Variants in PEAR1 observed in about 807,000 individuals in gnomAD.
PEAR1 encodes platelet endothelial aggregation receptor 1.
In PEAR1, 113 loss-of-function variants were observed where a neutral mutation model predicts 131.2. That is an observed-to-expected ratio of 0.86 (90% CI 0.74 to 1.01). PEAR1 has a LOEUF of 1.01. Ranked by LOEUF, PEAR1 falls within the 50% of genes least tolerant of loss-of-function variation. The pLI is 0.00. For synonymous variants in PEAR1, 565 were observed against 523.3 expected, an observed-to-expected ratio of 1.08 and a Z score of -1.09; for missense variants, 1,408 against 1,391.1, an observed-to-expected ratio of 1.01 and a Z score of -0.19.
In PEAR1 at chr1:156,913,414, C is replaced by T. The variant is rs1223020802; in HGVS notation, c.2535C>T (p.Ser845=). The change falls in exon 20 of 23, where the codon AGC becomes AGT. Residue 845 remains serine, a synonymous_variant. Coordinates refer to ENST00000292357, the MANE Select transcript of PEAR1 (RefSeq NM_001080471.3). ...PNKVPGPLFA[S]LQNPERPGGA... Reference sequence around the variant, plus strand: ...AGGTTCCAGGCCCGCTCTTTGCCAGCCTGCAGAACCCTGAGCGGCCAGGTG... The same window carrying T: ...AGGTTCCAGGCCCGCTCTTTGCCAGTCTGCAGAACCCTGAGCGGCCAGGTG... 5.0e-6 allele frequency: 8 copies of T among 1,613,932 alleles called. No individual in the cohort carries two copies. Among genetic ancestry groups the T allele is most frequent in the Non-Finnish European group, 5.9e-6 (7 of 1,179,980 alleles).
Position 156,914,717 on chromosome 1 carries a change from G to A in PEAR1, c.3033G>A (p.Lys1011=), listed in dbSNP as rs780941069. ...GLPPGHYDSP[K]NSHIPGHYDL... is the part of the protein sequence containing the mutation. Reference sequence around the variant, plus strand: ...CCCCCGGCCACTATGACTCACCCAAGAACAGCCACATCCCTGGACATTATG... The same window carrying A: ...CCCCCGGCCACTATGACTCACCCAAAAACAGCCACATCCCTGGACATTATG... The change falls in exon 23 of 23, where the codon AAG becomes AAA. Residue 1011 remains lysine (K), a synonymous_variant. Coordinates refer to ENST00000292357, the MANE Select transcript of PEAR1 (RefSeq NM_001080471.3). 3.7e-6 allele frequency: 6 copies of A among 1,614,014 alleles called. No individual in the cohort carries two copies. In the African/African-American group the frequency reaches 8.0e-5, roughly 22 times the overall value.
At chr1:156,899,890 C>T (rs571248834) in intron 1 of PEAR1, among the ~76,000 whole-genome samples, 1 of 152,184 alleles carries the variant, frequency 6.6e-6, no homozygotes, top group South Asian at 2.1e-4. Context: ...GAAGGGAGCC[C>T]GTGGGGAAGT....
chr1:156,904,605 G>A (rs1029146653), intron 2 of PEAR1, 143 bp from the exon 3 acceptor site: 2 of 806,280 alleles, frequency 2.5e-6, no homozygotes, highest in Non-Finnish European at 4.0e-6. Context: ...GACAGGATGG[G>A]GGTCCCATCC....
Position 156,906,775 on chromosome 1 carries a change from C to G in PEAR1, c.539C>G (p.Pro180Arg). The G allele has an allele frequency of 6.2e-7, 1 of 1,614,238 alleles. No individual in the cohort carries two copies. The highest frequency in any genetic ancestry group is 8.5e-7 in the Non-Finnish European group (1 of 1,180,052). Residue 180 changes from proline to arginine, a missense_variant, in exon 6 of 23, where the codon CCT (proline) becomes CGT (arginine). Coordinates refer to ENST00000292357, the MANE Select transcript of PEAR1 (RefSeq NM_001080471.3). ...QPPNCLQPCT[P>R]GYYGPACQFR... ...CCGAACTGCCTTCAGCCCTGTACCC[C>G]TGGCTACTATGGCCCTGCCTGCCAG...
intron 1 of PEAR1, among the ~76,000 whole-genome samples, chr1:156,897,320 G>T (rs561719605): frequency 6.6e-6 from 1 of 152,188 alleles, no homozygotes; most frequent in Non-Finnish European, 1.5e-5. Context: ...ACCCAGACCC[G>T]CTCACAGAGC....
chr1:156,900,028 C>A (rs1190676715), intron 1 of PEAR1, among the ~76,000 whole-genome samples: 1 of 152,044 alleles, frequency 6.6e-6, no homozygotes, highest in Admixed American at 6.5e-5. Context: ...TTCCTTCCTC[C>A]TAGGAGGGGT....
rs1651388336 is a variant in PEAR1, at chr1:156,912,854, G to T, written c.2294G>T (p.Gly765Val). ...GCAGTGATTGGCATTGCAGTGCTGGGGTCCCTTGTGGTAGCCCTGGTGGCA... is the reference window on the plus strand; with the variant it reads ...GCAGTGATTGGCATTGCAGTGCTGGTGTCCCTTGTGGTAGCCCTGGTGGCA... ...LGAVIGIAVL[G>V]SLVVALVALF... Residue 765 changes from glycine to valine, a missense_variant, in exon 18 of 23, where the codon GGG (glycine) becomes GTG (valine). Transcript: ENST00000292357. 1 of 1,614,210 alleles carries T rather than the reference G, an allele frequency of 6.2e-7. No homozygotes were observed. Among genetic ancestry groups the T allele is most frequent in the East Asian group, 2.2e-5 (1 of 44,886 alleles).
chr1:156,905,280 C>T lies in PEAR1; in HGVS notation c.207-44C>T, dbSNP rs751856069. On this transcript the variant is annotated intron_variant, in intron 3 of 22. Transcript: ENST00000292357. Reference sequence around the variant, plus strand: ...CCCCCTGGCCACACTGTGGTGAGTGCGGACAGCAGGGAGGGCTGAGGGCCG... The same window carrying T: ...CCCCCTGGCCACACTGTGGTGAGTGTGGACAGCAGGGAGGGCTGAGGGCCG... The T allele has an allele frequency of 1.1e-5, 17 of 1,574,076 alleles. No individual in the cohort carries two copies. The South Asian group carries it at 1.2e-4, about 11-fold the overall frequency.
chr1:156,897,267 A>G lies in PEAR1; in HGVS notation c.-10+3430A>G, dbSNP rs970823078. Among the ~76,000 whole-genome samples the G allele has an allele frequency of 2.0e-5, 3 of 152,256 alleles. No homozygotes were observed. The East Asian group carries it at 5.8e-4, about 29-fold the overall frequency. ...GGCAGACTGACTTTAATAAAAGCAT[A>G]ATGACTCATAGGATGGGAGCCGCGA... is the stretch of plus-strand genomic sequence containing the variant. On this transcript the variant is annotated intron_variant, in intron 1 of 22. Coordinates refer to ENST00000292357, the MANE Select transcript of PEAR1 (RefSeq NM_001080471.3).
chr1:156,897,467 G>A (rs2102960291), intron 1 of PEAR1, among the ~76,000 whole-genome samples: 1 of 152,318 alleles, frequency 6.6e-6, no homozygotes, highest in East Asian at 1.9e-4. Flanking sequence ...TGAACCCCTG[G>A]GTTGGCCTGG....
intron 2 of PEAR1, among the ~76,000 whole-genome samples, chr1:156,904,403 C>T (rs191097932): frequency 5.3e-5 from 8 of 152,292 alleles, no homozygotes; most frequent in Non-Finnish European, 1.0e-4. Flanking sequence ...AGAATATAGC[C>T]GGAAATACTT....
chr1:156,905,558 C>A, intron 4 of PEAR1, 134 bp downstream of exon 4: 1 of 733,706 alleles, frequency 1.4e-6, no homozygotes, highest in Non-Finnish European at 2.1e-6. Flanking sequence ...CCCCTCCTCT[C>A]CTCTCCCTGG....
intron 6 of PEAR1, 93 bp from the exon 7 acceptor site, chr1:156,907,517 C>A: frequency 6.6e-7 from 1 of 1,525,634 alleles, no homozygotes; most frequent in Non-Finnish European, 8.8e-7. Flanking sequence ...TCACTAAGTC[C>A]TGAGGTGGGG....
In PEAR1 at chr1:156,913,435, A is replaced by G. The variant is rs1651495615; in HGVS notation, c.2556A>G (p.Pro852=). 1 of 1,613,804 alleles carries G rather than the reference A, an allele frequency of 6.2e-7. No individual in the cohort carries two copies. The highest frequency in any genetic ancestry group is 1.7e-5 in the Admixed American group (1 of 60,006). ...LFASLQNPER[P]GGAQGHDNHT... is the part of the protein sequence containing the mutation. ...CCAGCCTGCAGAACCCTGAGCGGCCAGGTGGGGCCCAAGGGCATGATAACC... is the reference window on the plus strand; with the variant it reads ...CCAGCCTGCAGAACCCTGAGCGGCCGGGTGGGGCCCAAGGGCATGATAACC... Residue 852 remains proline, a synonymous_variant, in exon 20 of 23, where the codon CCA becomes CCG. Coordinates refer to ENST00000292357, the MANE Select transcript of PEAR1 (RefSeq NM_001080471.3).
rs537610409 is a variant in PEAR1, at chr1:156,903,522, G to A, written c.-9-396G>A. Among the ~76,000 whole-genome samples the A allele has an allele frequency of 6.6e-5, 10 of 152,284 alleles. No homozygotes were observed. In the East Asian group the frequency reaches 1.5e-3, roughly 24 times the overall value. On this transcript the variant is annotated intron_variant, in intron 1 of 22. Transcript: ENST00000292357. The stretch of plus-strand genomic sequence containing the variant: ...TGAAACGCACTGGGTCCCTGCCTCT[G>A]GAGGTCATGGTCAGGGAGCAGGCAC...
chr1:156,909,128 G>A (rs1279006974), intron 11 of PEAR1, 92 bp downstream of exon 11: 11 of 1,552,240 alleles, frequency 7.1e-6, no homozygotes, highest in African/African-American at 1.4e-5. Flanking sequence ...AAGGGCAGGG[G>A]AGCGGCTGCA....
intron 7 of PEAR1, 86 bp downstream of exon 7, chr1:156,907,816 AG>A (rs1207820732): frequency 3.3e-6 from 5 of 1,506,310 alleles, no homozygotes; most frequent in Non-Finnish European, 4.4e-6. Flanking sequence ...AAGGTGAGTG[AG>A]GGGGGTGAGC....
rs1161392365 is a variant in PEAR1, at chr1:156,908,550, C to T, written c.1116-105C>T. The T allele has an allele frequency of 7.9e-7, 1 of 1,272,988 alleles. No individual in the cohort carries two copies. The highest frequency in any genetic ancestry group is 2.6e-5 in the East Asian group (1 of 39,188). The allele number at this position is 1,272,988 out of a possible 1,614,324, so 78.9% of individuals were successfully genotyped here. A position where few individuals can be genotyped will look rare whatever the true frequency, so the allele number is the denominator to read the frequency against. Reference sequence around the variant, plus strand: ...AGCGCGGAGCCTCCCTAGTGACCCCCTTACCCCAGCGATGTGCGAATCCCA... The same window carrying T: ...AGCGCGGAGCCTCCCTAGTGACCCCTTTACCCCAGCGATGTGCGAATCCCA... On this transcript the variant is annotated intron_variant, in intron 9 of 22. Coordinates refer to ENST00000292357, the MANE Select transcript of PEAR1 (RefSeq NM_001080471.3). The surrounding 1 kb of genome is among the most constrained non-coding windows in gnomAD (Gnocchi z 4.2).
rs760239045 is a variant in PEAR1 at position 156,914,068 on chromosome 1, GCACCTA to G, written c.2932_2937del (p.Thr978_Tyr979del). 3.7e-6 allele frequency: 6 copies of G among 1,604,956 alleles called. No individual in the cohort carries two copies. The highest frequency in any genetic ancestry group is 5.1e-6 in the Non-Finnish European group (6 of 1,175,766). ...CAACCCCAGCCACAGAGAGACAGTG[GCACCTA>G]CGAGCAGCCCAGCCCCCTGATCCAT... On this transcript the variant is annotated inframe_deletion, in exon 22 of 23. Coordinates refer to ENST00000292357, the MANE Select transcript of PEAR1 (RefSeq NM_001080471.3).
Sources: allele counts gnomAD v4.1 joint callset (sites outside exome capture counted in the v4.1 genomes callset), GRCh38; gene constraint gnomAD v4.1.1; non-coding constraint Gnocchi (gnomAD v3.1); transcripts MANE v1.5; gene names NCBI Gene and HGNC (gene_info 2026-07-23, HGNC 2026-07-21).